Variants in DAB1 observed in about 807,000 individuals in gnomAD.
DAB1 encodes disabled homolog 1.
A neutral mutation model predicts 64.6 loss-of-function variants in DAB1; 15 were observed. The observed-to-expected ratio is 0.23, with a 90% CI of 0.16 to 0.36. The LOEUF (loss-of-function observed/expected upper bound fraction) is 0.36. DAB1 is among the 10% of genes least tolerant of loss of function. The pLI, the probability that DAB1 is intolerant of heterozygous loss-of-function variation, is 1.00. For missense variants in DAB1, 596 were observed against 706.7 expected (o/e 0.84, Z 1.78); for synonymous variants, 235 against 251.9 (o/e 0.93, Z 0.64).
At chr1:58,530,786 T>C (rs1166695130) in intron 1 of DAB1, 1 of 820,092 alleles carries the variant, frequency 1.2e-6, no homozygotes. Flanking sequence ...AGTATATGCT[T>C]ACATTTTCTA....
chr1:57,754,677 G>A (rs1648718028), intron 6 of DAB1, among the ~76,000 whole-genome samples: 1 of 151,360 alleles, frequency 6.6e-6, no homozygotes, highest in African/African-American at 2.4e-5. Flanking sequence ...GAGATAGAGG[G>A]AGATTCTGTC....
intron 6 of DAB1, among the ~76,000 whole-genome samples, chr1:57,693,006 C>G (rs1188447535): frequency 1.3e-5 from 2 of 152,130 alleles, no homozygotes; most frequent in Non-Finnish European, 2.9e-5. Flanking sequence ...CCTTTGGGCC[C>G]TATATTTTTA....
At chr1:58,105,456 C>T (rs1391276986) in intron 5 of DAB1, among the ~76,000 whole-genome samples, 4 of 152,048 alleles carry the variant, frequency 2.6e-5, no homozygotes, top group African/African-American at 7.3e-5. Flanking sequence ...TGACGAGAGA[C>T]GCCAGCAAAC....
chr1:57,627,726 CA>C (rs1645939986), intron 7 of DAB1, among the ~76,000 whole-genome samples: 1 of 152,184 alleles, frequency 6.6e-6, no homozygotes, highest in African/African-American at 2.4e-5. Flanking sequence ...GGATTTGAAC[CA>C]AAACCTGACT....
chr1:57,484,206 T>C (rs1273251043), intron 7 of DAB1, among the ~76,000 whole-genome samples: 1 of 151,966 alleles, frequency 6.6e-6, no homozygotes, highest in Non-Finnish European at 1.5e-5. Context: ...GCTATGGAAA[T>C]AGGTTATCAG....
At chr1:57,414,764 A>G (rs935399324) in intron 1 of DAB1, among the ~76,000 whole-genome samples, 2 of 152,226 alleles carry the variant, frequency 1.3e-5, no homozygotes, top group African/African-American at 4.8e-5. Context: ...TACAATGGCA[A>G]TTACAAAAAT....
At chr1:57,831,623 C>A (rs1051256035) in intron 1 of DAB1, among the ~76,000 whole-genome samples, 2 of 149,238 alleles carry the variant, frequency 1.3e-5, no homozygotes, top group Non-Finnish European at 3.0e-5. Flanking sequence ...CTCACTGCAG[C>A]CTTGACTTTC....
intron 5 of DAB1, among the ~76,000 whole-genome samples, chr1:58,112,736 A>C (rs932277580): frequency 1.3e-5 from 2 of 152,226 alleles, no homozygotes; most frequent in African/African-American, 4.8e-5. Context: ...TGAAAATGTC[A>C]TGAACAATTT....
At chr1:57,691,549 C>A (rs1330497786) in intron 6 of DAB1, among the ~76,000 whole-genome samples, 1 of 152,124 alleles carries the variant, frequency 6.6e-6, no homozygotes, top group Admixed American at 6.6e-5. Flanking sequence ...TTTGGGTCTG[C>A]ACCACCTTTA....
chr1:57,714,106 G>A (rs1235448001), intron 6 of DAB1, among the ~76,000 whole-genome samples: 1 of 152,154 alleles, frequency 6.6e-6, no homozygotes. Flanking sequence ...AAGTTATACA[G>A]ATAAGAACTA....
At chr1:58,092,152 T>A (rs780827048) in intron 5 of DAB1, among the ~76,000 whole-genome samples, 1 of 151,872 alleles carries the variant, frequency 6.6e-6, no homozygotes, top group Non-Finnish European at 1.5e-5. Flanking sequence ...TTGGCCAAGA[T>A]GGTGAAACCC....
rs1344747101 is a variant in DAB1, at chr1:57,360,095, T to C, written c.-137+63835A>G. ...AAAATGCAGAGTTGATATTATGCAC[T>C]CTCACCAAGTATGCAAGGTAATGCA... On this transcript the variant is annotated intron_variant, in intron 1 of 14. Coordinates refer to ENST00000371236, the MANE Select transcript of DAB1 (RefSeq NM_001365792.1). Among the ~76,000 whole-genome samples, 3 of 152,078 alleles carry C rather than the reference T, an allele frequency of 2.0e-5. 1 individual carries two copies. The highest frequency in any genetic ancestry group is 4.1e-4 in the South Asian group (2 of 4,830).
At position 57,069,314 on chromosome 1, in the gene DAB1, T is replaced by C. The variant is rs768334047; in HGVS notation, c.663+46A>G. The C allele has an allele frequency of 3.5e-6, 5 of 1,431,610 alleles. No homozygotes were observed. In the South Asian group the frequency reaches 4.6e-5, roughly 13 times the overall value. The allele number at this position is 1,431,610 out of a possible 1,614,324, so 88.7% of individuals were successfully genotyped here. A position where few individuals can be genotyped will look rare whatever the true frequency, so the allele number is the denominator to read the frequency against. On this transcript the variant is annotated intron_variant, in intron 8 of 14. Transcript: ENST00000371236. The stretch of plus-strand genomic sequence containing the variant: ...TTTAGACTATCAGTACATTTATGCA[T>C]GTACTAGTAGTGGTGCAATGGTAAG...
At chr1:57,964,267 A>G (rs1645598061) in intron 5 of DAB1, among the ~76,000 whole-genome samples, 1 of 152,160 alleles carries the variant, frequency 6.6e-6, no homozygotes, top group Admixed American at 6.5e-5. Flanking sequence ...TCATTAATTT[A>G]TTCACTCATT....
chr1:57,951,334 T>TATATATATC lies in DAB1; in HGVS notation n.388-67173_388-67172insGATATATAT, dbSNP rs1219655257. 8.9e-4 allele frequency among the ~76,000 whole-genome samples: 57 copies of TATATATATC among 63,862 alleles called. 15 individuals are homozygous for TATATATATC. Among genetic ancestry groups the TATATATATC allele is most frequent in the Admixed American group, 1.4e-3 (8 of 5,524 alleles). 41.9% of individuals were successfully genotyped at this position (63,862 alleles called of 152,430 possible). On this transcript the variant is annotated intron_variant and non_coding_transcript_variant, in intron 5 of 20. Coordinates refer to the DAB1 transcript ENST00000485760. The stretch of plus-strand genomic sequence containing the variant: ...GCCTGATTCATATATATATATATAC[T>TATATATATC]TCCCTGGAAACTTAAATTAGCCCAA...
At chr1:57,097,489 G>A (rs985573218) in intron 4 of DAB1, among the ~76,000 whole-genome samples, 1 of 152,170 alleles carries the variant, frequency 6.6e-6, no homozygotes, top group South Asian at 2.1e-4. Flanking sequence ...TGTCACTTAG[G>A]TTATAATCAG....
At chr1:57,355,361 C>CTTCCTTCCTTCGTTCCTTCCT (rs1679006062) in intron 1 of DAB1, among the ~76,000 whole-genome samples, 1 of 150,866 alleles carries the variant, frequency 6.6e-6, no homozygotes, top group Admixed American at 6.6e-5. Context: ...CCTTCCTTCC[C>CTTCCTTCCTTCGTTCCTTCCT]TTCCTTCCTT....
At chr1:57,484,430 C>A (rs1180655945) in intron 7 of DAB1, among the ~76,000 whole-genome samples, 3 of 152,192 alleles carry the variant, frequency 2.0e-5, no homozygotes, top group East Asian at 1.9e-4. Context: ...TGAGCTGATG[C>A]AACTGAACAA....
rs7536548 is a variant in DAB1, at chr1:58,335,808, T to A, written n.309+7544A>T. On this transcript the variant is annotated intron_variant and non_coding_transcript_variant, in intron 4 of 20. Transcript: ENST00000485760. The stretch of plus-strand genomic sequence containing the variant: ...TCCTATTCTGGCCTGAGTAACTGAA[T>A]GAATTATGGTGCAATTTAGTAGATA... 4.6e-3 allele frequency among the ~76,000 whole-genome samples: 695 copies of A among 152,286 alleles called. 6 individuals are homozygous for A. The highest frequency in any genetic ancestry group is 0.015 in the African/African-American group (628 of 41,568).
Sources: allele counts gnomAD v4.1 joint callset (sites outside exome capture counted in the v4.1 genomes callset), GRCh38; gene constraint gnomAD v4.1.1; transcripts MANE v1.5; gene names NCBI Gene and HGNC (gene_info 2026-07-23, HGNC 2026-07-21).